MSMB: variants seen among roughly 807,000 people sequenced by gnomAD.
The protein encoded by MSMB is microseminoprotein beta.
A neutral mutation model predicts 10.5 loss-of-function variants in MSMB; 10 were observed. That is an observed-to-expected ratio of 0.95 (90% CI 0.59 to 1.62). The LOEUF is 1.62. Ranked by LOEUF, MSMB falls within the 40% of genes most tolerant of loss-of-function variation. The probability of loss-of-function intolerance (pLI) is 0.00; values close to 1 mark genes in which losing one functional copy is unlikely to be tolerated. For missense variants in MSMB, 126 were observed against 137.4 expected, an observed-to-expected ratio of 0.92 and a Z score of 0.42; for synonymous variants, 43 against 46.5, an observed-to-expected ratio of 0.93 and a Z score of 0.30.
At position 46,044,244 on chromosome 10, in the gene MSMB, C is replaced by T. The variant is rs146810439; in HGVS notation, c.3+1991G>A. Among the ~76,000 whole-genome samples the T allele has an allele frequency of 1.4e-3, 212 of 152,158 alleles. 1 individual carries two copies. The highest frequency in any genetic ancestry group is 4.8e-3 in the African/African-American group (200 of 41,536). On this transcript the variant is annotated intron_variant, in intron 1 of 3. Coordinates refer to ENST00000582163, the MANE Select transcript of MSMB (RefSeq NM_002443.4). The stretch of plus-strand genomic sequence containing the variant: ...GGCTAGGATTTTCTAGATGGTACAG[C>T]GAGCCTTGAGGTGAAGCAGGCTGGC...
chr10:46,045,423 T>C (rs1554929326), intron 1 of MSMB, among the ~76,000 whole-genome samples: 1 of 151,922 alleles, frequency 6.6e-6, no homozygotes, highest in African/African-American at 2.4e-5. Context: ...TCCCAGCTAC[T>C]TGGGAAGCTG....
At chr10:46,036,029 G>A (rs1039080119) in intron 3 of MSMB, among the ~76,000 whole-genome samples, 2 of 152,124 alleles carry the variant, frequency 1.3e-5, no homozygotes, top group African/African-American at 4.8e-5. Flanking sequence ...GAGGGAGGGA[G>A]AAACTGTCAA....
intron 1 of MSMB, among the ~76,000 whole-genome samples, chr10:46,044,890 G>A (rs1040661551): frequency 5.3e-5 from 8 of 152,326 alleles, no homozygotes; most frequent in South Asian, 2.1e-4. Context: ...AGCTTGCTAA[G>A]TTCACTGTGA....
At chr10:46,038,236 G>A (rs1398633143) in intron 3 of MSMB, among the ~76,000 whole-genome samples, 3 of 152,040 alleles carry the variant, frequency 2.0e-5, no homozygotes, top group African/African-American at 7.2e-5. Context: ...TGCCACTAAA[G>A]TATACATTTA....
Position 46,039,992 on chromosome 10 carries a change from T to C in MSMB, c.103A>G (p.Thr35Ala), listed in dbSNP as rs781927306. 1.9e-6 allele frequency: 3 copies of C among 1,613,068 alleles called. No homozygotes were observed. The highest frequency in any genetic ancestry group is 2.5e-6 in the Non-Finnish European group (3 of 1,179,068). The change falls in exon 2 of 4, where the codon ACC becomes GCC. Residue 35 changes from threonine (T) to alanine (A), a missense_variant. Coordinates refer to ENST00000582163, the MANE Select transcript of MSMB (RefSeq NM_002443.4). ...IPNEGVPGDS[T>A]RKCMDLKGNK... ...TTGAAAAGCCAAGACTTACTCCTGGTTGAATCTCCTGGAACTCCCTCATTA... is the reference window on the plus strand; with the variant it reads ...TTGAAAAGCCAAGACTTACTCCTGGCTGAATCTCCTGGAACTCCCTCATTA...
intron 3 of MSMB, among the ~76,000 whole-genome samples, chr10:46,034,802 G>A (rs1269368681): frequency 6.6e-6 from 1 of 150,556 alleles, no homozygotes; most frequent in East Asian, 2.0e-4. Context: ...TCCATCCTGG[G>A]CGACAGAGCA....
intron 1 of MSMB, among the ~76,000 whole-genome samples, chr10:46,040,754 A>T (rs1840724559): frequency 6.6e-6 from 1 of 152,118 alleles, no homozygotes; most frequent in Non-Finnish European, 1.5e-5. Flanking sequence ...GGAGATCGAG[A>T]CCATCCTGGC....
intron 3 of MSMB, among the ~76,000 whole-genome samples, chr10:46,037,793 C>A (rs1427357393): frequency 6.6e-6 from 1 of 152,088 alleles, no homozygotes; most frequent in Non-Finnish European, 1.5e-5. Flanking sequence ...TCTTCAGGAG[C>A]CCATCTGGAA....
rs188361569 is a variant in MSMB, at chr10:46,035,626, C to T, written c.216-2075G>A. 3.4e-4 allele frequency among the ~76,000 whole-genome samples: 51 copies of T among 152,208 alleles called. 1 individual carries two copies. The East Asian group carries it at 5.2e-3, about 16-fold the overall frequency. On this transcript the variant is annotated intron_variant, in intron 3 of 3. Coordinates refer to ENST00000582163, the MANE Select transcript of MSMB (RefSeq NM_002443.4). ...CAAATTCATAGAGACAGAAAGTAGA[C>T]TTGAGATTACCACAGGTTTGGGGGA...
rs1840508042 is a variant in MSMB, at chr10:46,033,463, CCTT to C, written c.301_303del (p.Lys101del). On this transcript the variant is annotated inframe_deletion, in exon 4 of 4. Coordinates refer to ENST00000582163, the MANE Select transcript of MSMB (RefSeq NM_002443.4). ...CTGACAGAACAGGTCTTTTTTGGGT[CCTT>C]CTTCTCCACCACGATATACTTGCAG... 6.2e-7 allele frequency: 1 copy of C among 1,613,706 alleles called. No homozygotes were observed. The highest frequency in any genetic ancestry group is 8.5e-7 in the Non-Finnish European group (1 of 1,179,840).
chr10:46,033,674 G>T, intron 3 of MSMB, 123 bp from the exon 4 acceptor site: 1 of 1,419,556 alleles, frequency 7.0e-7, no homozygotes, highest in Non-Finnish European at 9.6e-7. Context: ...TTGGCTGGCA[G>T]CCCCAGAGTG....
chr10:46,042,301 C>A (rs1474132851), intron 1 of MSMB, among the ~76,000 whole-genome samples: 2 of 151,946 alleles, frequency 1.3e-5, no homozygotes, highest in South Asian at 2.1e-4. Context: ...CACACACACA[C>A]AGAAATGATG....
chr10:46,034,409 C>T (rs576115003), intron 3 of MSMB, among the ~76,000 whole-genome samples: 18 of 150,698 alleles, frequency 1.2e-4, no homozygotes, highest in Admixed American at 3.3e-4. Context: ...GGATTACAGG[C>T]GTGAGACACC....
intron 1 of MSMB, among the ~76,000 whole-genome samples, chr10:46,042,918 T>C (rs963444347): frequency 3.3e-5 from 5 of 152,182 alleles, no homozygotes; most frequent in Non-Finnish European, 7.3e-5. Context: ...TTTTCTACAA[T>C]AAAATATATG....
At chr10:46,044,834 G>A (rs1840855008) in intron 1 of MSMB, among the ~76,000 whole-genome samples, 1 of 151,886 alleles carries the variant, frequency 6.6e-6, no homozygotes, top group African/African-American at 2.4e-5. Flanking sequence ...ATAAAGAGTT[G>A]GGGGTCCTCA....
In MSMB at chr10:46,033,531, T is replaced by A; in HGVS notation, c.236A>T (p.Tyr79Phe). The change falls in exon 4 of 4, where the codon TAT (tyrosine) becomes TTT (phenylalanine). Residue 79 changes from tyrosine (Y) to phenylalanine (F), a missense_variant. By Grantham distance (22) the Tyr-to-Phe change is conservative. Coordinates refer to ENST00000582163, the MANE Select transcript of MSMB (RefSeq NM_002443.4). ...GATTCTTTGGCAGTTGTCTTTGTCA[T>A]AACCCACAGGTGTAGAAACACTGTC... Reference protein sequence around the residue: ...CCTLVSTPVGYDKDNCQRIFK... With the variant: ...CCTLVSTPVGFDKDNCQRIFK... 6.2e-7 allele frequency: 1 copy of A among 1,613,780 alleles called. No homozygotes were observed. Among genetic ancestry groups the A allele is most frequent in the Non-Finnish European group, 8.5e-7 (1 of 1,179,682 alleles).
At chr10:46,038,887 G>C in intron 3 of MSMB, 79 bp downstream of exon 3, 1 of 1,246,092 alleles carries the variant, frequency 8.0e-7, no homozygotes, top group South Asian at 1.2e-5. Context: ...CCTGAAGATT[G>C]GAATTTTGCA....
chr10:46,043,362 C>T (rs1590198090), intron 1 of MSMB, among the ~76,000 whole-genome samples: 1 of 152,222 alleles, frequency 6.6e-6, no homozygotes, highest in African/African-American at 2.4e-5. Flanking sequence ...TGAGATTATC[C>T]ACTTGACAGT....
chr10:46,046,207 G>C, intron 1 of MSMB, 28 bp downstream of exon 1: 1 of 1,605,198 alleles, frequency 6.2e-7, no homozygotes, highest in Admixed American at 1.7e-5. Context: ...TGCTTTTCTA[G>C]CCTTTATATA....
Sources: allele counts gnomAD v4.1 joint callset (sites outside exome capture counted in the v4.1 genomes callset), GRCh38; gene constraint gnomAD v4.1.1; transcripts MANE v1.5; gene names NCBI Gene and HGNC (gene_info 2026-07-23, HGNC 2026-07-21).